Variants in ACSF3 observed in about 807,000 individuals in gnomAD.
ACSF3 encodes acyl-CoA synthetase family member 3, also known as malonate--CoA ligase ACSF3, mitochondrial.
In ACSF3, 78 loss-of-function variants were observed where a neutral mutation model predicts 53.2. The observed-to-expected ratio is 1.47, with a 90% CI of 1.22 to 1.77. The LOEUF is 1.77. Ranked by LOEUF, ACSF3 falls within the 40% of genes most tolerant of loss-of-function variation. ACSF3 has a pLI of 0.00. For synonymous variants in ACSF3, 414 were observed against 333.1 expected (o/e 1.24, Z -2.65); for missense variants, 937 against 771.1 (o/e 1.22, Z -2.55).
Position 89,156,223 on chromosome 16 carries a change from T to C in ACSF3, c.*2016T>C, listed in dbSNP as rs1407322999. Among the ~76,000 whole-genome samples the C allele has an allele frequency of 6.6e-6, 1 of 151,606 alleles. No individual in the cohort carries two copies. Among genetic ancestry groups the C allele is most frequent in the Non-Finnish European group, 1.5e-5 (1 of 67,918 alleles). ...CTCCTCCCTCCCCATTAAAGCCCAG[T>C]TTATTCCCCATCTTGGCCTCTGGTG... On this transcript the variant is annotated 3_prime_UTR_variant, in exon 11 of 11. Coordinates refer to ENST00000614302, the MANE Select transcript of ACSF3 (RefSeq NM_001243279.3).
chr16:89,108,561 C>T (rs1976298111), intron 4 of ACSF3, among the ~76,000 whole-genome samples: 2 of 152,200 alleles, frequency 1.3e-5, no homozygotes, highest in South Asian at 4.1e-4. Flanking sequence ...CATTCCCAGC[C>T]CCTGGCAACC....
chr16:89,126,885 G>C (rs1908228529), intron 7 of ACSF3, among the ~76,000 whole-genome samples: 1 of 152,188 alleles, frequency 6.6e-6, no homozygotes, highest in African/African-American at 2.4e-5. Context: ...CAGTCTTTCA[G>C]CAAGTGTGTT....
chr16:89,098,669 C>G lies in ACSF3; in HGVS notation c.-115C>G, dbSNP rs1032538435. 8.8e-6 allele frequency: 4 copies of G among 454,032 alleles called. No individual in the cohort carries two copies. The highest frequency in any genetic ancestry group is 8.0e-5 in the African/African-American group (4 of 50,024). The allele number at this position is 454,032 out of a possible 1,614,324, so 28.1% of individuals were successfully genotyped here. ...GGATGAGCATTTGCATTGCCTGCACCTTATCGTGCCCTTCCACCTGCTGAA... is the reference window on the plus strand; with the variant it reads ...GGATGAGCATTTGCATTGCCTGCACGTTATCGTGCCCTTCCACCTGCTGAA... On this transcript the variant is annotated 5_prime_UTR_variant, in exon 2 of 11. Coordinates refer to ENST00000614302, the MANE Select transcript of ACSF3 (RefSeq NM_001243279.3).
intron 8 of ACSF3, among the ~76,000 whole-genome samples, chr16:89,140,770 C>A (rs1285627062): frequency 6.6e-6 from 1 of 151,542 alleles, no homozygotes; most frequent in Non-Finnish European, 1.5e-5. Flanking sequence ...GCACCTCACT[C>A]CACCTACACT....
At chr16:89,116,316 A>G (rs954010738) in intron 6 of ACSF3, among the ~76,000 whole-genome samples, 1 of 151,980 alleles carries the variant, frequency 6.6e-6, no homozygotes, top group African/African-American at 2.4e-5. Context: ...GGCTCATTCC[A>G]TGCCTGCTTG....
intron 8 of ACSF3, chr16:89,141,273 G>C (rs1167509408): frequency 6.2e-6 from 8 of 1,287,164 alleles, no homozygotes; most frequent in Non-Finnish European, 8.1e-6. Flanking sequence ...GCACAGCAAG[G>C]CGGGTGAGGC....
At position 89,139,191 on chromosome 16, in the gene ACSF3, G is replaced by A. The variant is rs567154407; in HGVS notation, c.1366+5929G>A. On this transcript the variant is annotated intron_variant, in intron 8 of 10. Transcript: ENST00000614302. ...TTTTCCTCTTTCTTTGTTTTCCAGA[G>A]TCGGGAAAGTCTTGGTTTTCTTGGT... Among the ~76,000 whole-genome samples, 13 of 152,288 alleles carry A rather than the reference G, an allele frequency of 8.5e-5. No individual in the cohort carries two copies. The South Asian group carries it at 2.7e-3, about 32-fold the overall frequency.
At chr16:89,142,538 C>G (rs537258040) in intron 8 of ACSF3, among the ~76,000 whole-genome samples, 1 of 111,912 alleles carries the variant, frequency 8.9e-6, no homozygotes, top group South Asian at 2.4e-4. Context: ...TGCAGACACA[C>G]CCACACCTGC....
chr16:89,115,696 A>G (rs4782446), intron 6 of ACSF3, among the ~76,000 whole-genome samples: 114,357 of 152,176 alleles, frequency 0.75, 43,482 homozygotes, highest in Non-Finnish European at 0.8. Context: ...CAGAGCGGCT[A>G]CACCATCCCC....
chr16:89,140,206 A>G (rs1406001697), intron 8 of ACSF3, among the ~76,000 whole-genome samples: 2 of 152,102 alleles, frequency 1.3e-5, no homozygotes, highest in Non-Finnish European at 2.9e-5. Context: ...GCCGCAATGG[A>G]GGCCGCCTTC....
intron 8 of ACSF3, 139 bp from the exon 9 acceptor site, chr16:89,145,128 C>G: frequency 6.2e-7 from 1 of 1,601,874 alleles, no homozygotes; most frequent in East Asian, 2.2e-5. Context: ...TTGGGGTTGC[C>G]ACAGGGTAGT....
At position 89,106,820 on chromosome 16, in the gene ACSF3, C is replaced by T. The variant is rs544219149; in HGVS notation, c.822+4061C>T. ...CGGTGGTGCTGAACGATCTCAGACG[C>T]GGTGTCTTCAAGTCATCCTGCACAG... is the stretch of plus-strand genomic sequence containing the variant. On this transcript the variant is annotated intron_variant, in intron 4 of 10. Coordinates refer to ENST00000614302, the MANE Select transcript of ACSF3 (RefSeq NM_001243279.3). Among the ~76,000 whole-genome samples, 182 of 152,320 alleles carry T rather than the reference C, an allele frequency of 1.2e-3. 2 individuals are homozygous for T. Among genetic ancestry groups the T allele is most frequent in the African/African-American group, 3.7e-3 (155 of 41,566 alleles).
rs370947288 is a variant in ACSF3 at position 89,154,199 on chromosome 16, C to G, written c.1723C>G (p.Pro575Ala). 4 of 1,613,240 alleles carry G rather than the reference C, an allele frequency of 2.5e-6. No homozygotes were observed. The highest frequency in any genetic ancestry group is 3.4e-6 in the Non-Finnish European group (4 of 1,179,830). The change falls in exon 11 of 11, where the codon CCC becomes GCC. Residue 575 changes from proline (P) to alanine (A), a missense_variant. Transcript: ENST00000614302. ...GAAGGCGCTCATCAGGCACTTCCAC[C>G]CCTCATGACCCGGCAGACTGGGACT... ...DKKALIRHFH[P>A]S is the part of the protein sequence containing the mutation.
At chr16:89,151,609 ATATT>A (rs1567755198) in intron 10 of ACSF3, 199 of 148,288 alleles carry the variant, frequency 1.3e-3, no homozygotes, top group East Asian at 0.011. Context: ...AATTCACCAT[ATATT>A]TTTTTTTTTT....
chr16:89,105,739 TGTC>T (rs1183792489), intron 4 of ACSF3, among the ~76,000 whole-genome samples: 3 of 152,226 alleles, frequency 2.0e-5, no homozygotes, highest in Non-Finnish European at 2.9e-5. Context: ...CAACGGCCAT[TGTC>T]GTGGACCGTG....
At chr16:89,110,982 A>G (rs745980382) in intron 4 of ACSF3, among the ~76,000 whole-genome samples, 12 of 151,996 alleles carry the variant, frequency 7.9e-5, no homozygotes, top group South Asian at 2.1e-4. Flanking sequence ...CTTGTTTGTT[A>G]TTAGGTCTAT....
chr16:89,112,792 A>G (rs1226963845), intron 5 of ACSF3, among the ~76,000 whole-genome samples: 1 of 151,966 alleles, frequency 6.6e-6, no homozygotes, highest in East Asian at 1.9e-4. Flanking sequence ...CAGTGAGCTG[A>G]CCCGCTTGCT....
intron 8 of ACSF3, among the ~76,000 whole-genome samples, chr16:89,141,437 G>T (rs1567739549): frequency 6.6e-6 from 1 of 152,230 alleles, no homozygotes; most frequent in Non-Finnish European, 1.5e-5. Context: ...GGGTGGGGGT[G>T]CCCAGGCCTT....
Position 89,102,425 on chromosome 16 carries a change from G to C in ACSF3, c.667-179G>C. 3 of 698,952 alleles carry C rather than the reference G, an allele frequency of 4.3e-6. No individual in the cohort carries two copies. In the Admixed American group the frequency reaches 6.2e-5, roughly 15 times the overall value. 43.3% of individuals were successfully genotyped at this position (698,952 alleles called of 1,614,324 possible). Reference sequence around the variant, plus strand: ...GGTAAGTGAGTGACCCAGCAGATCTGCTGTGGTTTTGTCGTCATCTTGAGA... The same window carrying C: ...GGTAAGTGAGTGACCCAGCAGATCTCCTGTGGTTTTGTCGTCATCTTGAGA... On this transcript the variant is annotated intron_variant, in intron 3 of 10. Transcript: ENST00000614302.
Sources: gnomAD v4.1 joint callset for allele counts (sites outside exome capture counted in the v4.1 genomes callset) on GRCh38, gnomAD v4.1.1 for gene constraint, MANE v1.5 for transcripts, NCBI Gene and HGNC (gene_info 2026-07-23, HGNC 2026-07-21) for gene names.